Variants in TJAP1 observed in about 807,000 individuals in gnomAD.
The protein encoded by TJAP1 is tight junction associated protein 1.
TJAP1 carries 27 observed loss-of-function variants against 42.0 expected under a neutral mutation model. The ratio of observed to expected loss-of-function variants is 0.64; its 90% CI spans 0.47 to 0.89. The LOEUF is 0.89. Ranked by LOEUF, TJAP1 falls within the 40% of genes least tolerant of loss-of-function variation. The pLI, the probability that TJAP1 is intolerant of heterozygous loss-of-function variation, is 0.00. For missense variants in TJAP1, 712 were observed against 726.9 expected (o/e 0.98, Z 0.24); for synonymous variants, 257 against 288.4 (o/e 0.89, Z 1.10).
chr6:43,501,758 A>ACACACTCTCT (rs1423256237), intron 6 of TJAP1, 71 bp downstream of exon 6: 7 of 493,624 alleles, frequency 1.4e-5, no homozygotes, highest in Admixed American at 3.4e-5. Context: ...ACACACACAC[A>ACACACTCTCT]CTCTCTCTGT....
rs1792294452 is a variant in TJAP1 at position 43,505,973 on chromosome 6, C to T, written c.*118C>T. On this transcript the variant is annotated 3_prime_UTR_variant, in exon 11 of 11. Coordinates refer to ENST00000372449, the Ensembl canonical transcript of TJAP1. This position sits in a 1 kb window ranked among gnomAD's most constrained non-coding sequence, Gnocchi z 5.5. ...CTCTCCTCTATCCAGACCCGCACAGCTGTTTCCTGTGTGGATGGGGTCAGG... is the reference window on the plus strand; with the variant it reads ...CTCTCCTCTATCCAGACCCGCACAGTTGTTTCCTGTGTGGATGGGGTCAGG... 1.8e-6 allele frequency: 2 copies of T among 1,131,372 alleles called. No individual in the cohort carries two copies. The highest frequency in any genetic ancestry group is 3.5e-5 in the Admixed American group (1 of 28,748). The allele number at this position is 1,131,372 out of a possible 1,614,324, so 70.1% of individuals were successfully genotyped here.
chr6:43,500,604 C>A (rs181256877), intron 4 of TJAP1, 140 bp from the exon 5 acceptor site: 2 of 850,140 alleles, frequency 2.4e-6, no homozygotes, highest in African/African-American at 1.7e-5. Flanking sequence ...TGCTTCCATC[C>A]GTAGAGAGCC....
chr6:43,477,710 A>T (rs1292963830), intron 1 of TJAP1, 82 bp downstream of exon 1: 3 of 152,188 alleles, frequency 2.0e-5, no homozygotes, highest in Non-Finnish European at 2.9e-5. Context: ...AGTAGGGGCG[A>T]AGGGGGTACT....
chr6:43,504,008 G>T, intron 10 of TJAP1: 1 of 592,298 alleles, frequency 1.7e-6, no homozygotes. Flanking sequence ...TACTAAGAGA[G>T]GATTAGGCCC....
In TJAP1 at chr6:43,505,583, G is replaced by T; in HGVS notation, c.1402G>T (p.Glu468Ter). 6.2e-7 allele frequency: 1 copy of T among 1,613,710 alleles called. No individual in the cohort carries two copies. The highest frequency in any genetic ancestry group is 8.5e-7 in the Non-Finnish European group (1 of 1,180,038). The stretch of plus-strand genomic sequence containing the variant: ...ACCTTCTGCCCGACCCGAAGAGAGT[G>T]AGCTTTTGCTACCCACAGAACCTGA... Residue 468 changes from glutamate (E) to a stop codon, truncating the protein, a stop_gained, in exon 11 of 11, where the codon GAG becomes TAG. Transcript: ENST00000372449. LOFTEE classifies it high-confidence loss of function. This position sits in a 1 kb window ranked among gnomAD's most constrained non-coding sequence, Gnocchi z 5.5.
chr6:43,499,611 G>A (rs927833196), intron 4 of TJAP1, among the ~76,000 whole-genome samples: 2 of 152,204 alleles, frequency 1.3e-5, no homozygotes, highest in Admixed American at 6.5e-5. Context: ...GAACTGTTAG[G>A]TCCGGACTCT....
At position 43,503,235 on chromosome 6, in the gene TJAP1, G is replaced by A. The variant is rs1791385775; in HGVS notation, c.388-166G>A. On this transcript the variant is annotated intron_variant, in intron 8 of 10. Transcript: ENST00000372449. Reference sequence around the variant, plus strand: ...ACCCCACAGCCAGTCCAGAGAGCGGGAGAGATGCCCAGTCTCCTTCTGTCT... The same window carrying A: ...ACCCCACAGCCAGTCCAGAGAGCGGAAGAGATGCCCAGTCTCCTTCTGTCT... The A allele has an allele frequency of 5.0e-5, 31 of 620,972 alleles. No individual in the cohort carries two copies. The South Asian group carries it at 6.0e-4, about 12-fold the overall frequency. 38.5% of individuals were successfully genotyped at this position (620,972 alleles called of 1,614,324 possible).
exon 7 of TJAP1, chr6:43,502,286 G>A: frequency 6.2e-7 from 1 of 1,613,990 alleles, no homozygotes; most frequent in Non-Finnish European, 8.5e-7. Flanking sequence ...TTTTCAGGCT[G>A]CAGAACAGCT....
chr6:43,486,776 G>A (rs1205610526), intron 2 of TJAP1, among the ~76,000 whole-genome samples: 1 of 151,864 alleles, frequency 6.6e-6, no homozygotes, highest in Admixed American at 6.6e-5. Context: ...TTGCTTTTCT[G>A]GTCCTATCTC....
Position 43,505,253 on chromosome 6 carries a change from A to G in TJAP1, c.1072A>G (p.Ile358Val). ...CTGCACTTACGCTACCCGCCAGGCCATTTCCCTGAGCCTGGTAGAGGAGGG... is the reference window on the plus strand; with the variant it reads ...CTGCACTTACGCTACCCGCCAGGCCGTTTCCCTGAGCCTGGTAGAGGAGGG... Residue 358 changes from isoleucine to valine, a missense_variant, in exon 11 of 11, where the codon ATT becomes GTT. Ile to Val is a conservative substitution (Grantham distance 29). Coordinates refer to ENST00000372449, the Ensembl canonical transcript of TJAP1. This position sits in a 1 kb window ranked among gnomAD's most constrained non-coding sequence, Gnocchi z 5.5. 1.2e-6 allele frequency: 2 copies of G among 1,613,674 alleles called. No individual in the cohort carries two copies. Among genetic ancestry groups the G allele is most frequent in the Non-Finnish European group, 1.7e-6 (2 of 1,179,866 alleles).
Position 43,505,935 on chromosome 6 carries a change from C to A in TJAP1, c.*80C>A. ...ACCTTGGCAGCTCAGGGTCCCCAGT[C>A]CAAGCCCTTGACCTCTCCTCTATCC... On this transcript the variant is annotated 3_prime_UTR_variant, in exon 11 of 11. Transcript: ENST00000372449. The surrounding 1 kb of genome is among the most constrained non-coding windows in gnomAD (Gnocchi z 5.5). The A allele has an allele frequency of 1.4e-6, 2 of 1,396,962 alleles. No individual in the cohort carries two copies. The highest frequency in any genetic ancestry group is 1.9e-6 in the Non-Finnish European group (2 of 1,072,538). 86.5% of individuals were successfully genotyped at this position (1,396,962 alleles called of 1,614,324 possible). A position where few individuals can be genotyped will look rare whatever the true frequency, so the allele number is the denominator to read the frequency against.
intron 5 of TJAP1, 51 bp from the exon 6 acceptor site, chr6:43,501,475 C>T: frequency 6.5e-7 from 1 of 1,532,150 alleles, no homozygotes; most frequent in Non-Finnish European, 8.9e-7. Context: ...CCAGGGCATG[C>T]CCTTCTATCT....
chr6:43,494,407 A>G (rs1788568163), intron 2 of TJAP1, among the ~76,000 whole-genome samples: 1 of 151,802 alleles, frequency 6.6e-6, no homozygotes, highest in East Asian at 1.9e-4. Context: ...GGTTGCTGCT[A>G]CTCTGGGTGT....
At chr6:43,485,667 G>C (rs747230841) in intron 2 of TJAP1, among the ~76,000 whole-genome samples, 3 of 152,140 alleles carry the variant, frequency 2.0e-5, no homozygotes, top group Non-Finnish European at 4.4e-5. Flanking sequence ...AAGATCTTCT[G>C]TCTCTGAAGC....
chr6:43,485,477 G>A (rs1786252331), intron 2 of TJAP1, among the ~76,000 whole-genome samples: 1 of 152,188 alleles, frequency 6.6e-6, no homozygotes, highest in Admixed American at 6.5e-5. Flanking sequence ...TATAATGCCA[G>A]GGATACTCCA....
In TJAP1 at chr6:43,501,509, C is replaced by T. The variant is rs749459042; in HGVS notation, c.129-17C>T. 13 of 1,609,692 alleles carry T rather than the reference C, an allele frequency of 8.1e-6. No homozygotes were observed. In the African/African-American group the frequency reaches 1.7e-4, roughly 22 times the overall value. Reference sequence around the variant, plus strand: ...CTCTCATACCCCTCTGCCCTTGATCCCACAACACCCTGCCAGGCTCTTACA... The same window carrying T: ...CTCTCATACCCCTCTGCCCTTGATCTCACAACACCCTGCCAGGCTCTTACA... On this transcript the variant is annotated splice_polypyrimidine_tract_variant and intron_variant, in intron 5 of 10. Transcript: ENST00000372449.
At chr6:43,488,758 C>T (rs766641961) in intron 2 of TJAP1, among the ~76,000 whole-genome samples, 1 of 152,146 alleles carries the variant, frequency 6.6e-6, no homozygotes, top group South Asian at 2.1e-4. Context: ...GGGGTCAGGG[C>T]CTGTCGGAAG....
intron 2 of TJAP1, among the ~76,000 whole-genome samples, chr6:43,480,174 G>C (rs570278679): frequency 6.6e-6 from 1 of 152,338 alleles, no homozygotes; most frequent in South Asian, 2.1e-4. Flanking sequence ...CTGACAGTAA[G>C]TTTTAGTTAT....
intron 6 of TJAP1, among the ~76,000 whole-genome samples, chr6:43,501,911 ACACACACACACACACACTCT>A (rs1374586118): frequency 3.9e-4 from 50 of 127,528 alleles, no homozygotes; most frequent in South Asian, 1.9e-3. Context: ...ACACACACAC[ACACACACACACACACACTCT>A]CTCTCTCTCT....
Sources: gnomAD v4.1 joint callset for allele counts (sites outside exome capture counted in the v4.1 genomes callset) on GRCh38, gnomAD v4.1.1 for gene constraint, Gnocchi (gnomAD v3.1) non-coding constraint, MANE v1.5 for transcripts, NCBI Gene and HGNC (gene_info 2026-07-23, HGNC 2026-07-21) for gene names.